Variants in TRMO observed in about 807,000 individuals in gnomAD.
The protein encoded by TRMO is tRNA methyltransferase O.
TRMO carries 30 observed loss-of-function variants against 37.2 expected under a neutral mutation model. The observed-to-expected ratio is 0.81, with a 90% CI of 0.60 to 1.09. The LOEUF (loss-of-function observed/expected upper bound fraction) is 1.09, where lower values mean the gene tolerates loss of function less well. Ranked by LOEUF, TRMO falls within the 50% of genes least tolerant of loss-of-function variation. The probability of loss-of-function intolerance (pLI) is 0.00; values close to 1 mark genes in which losing one functional copy is unlikely to be tolerated. For synonymous variants in TRMO, 239 were observed against 199.4 expected (o/e 1.20, Z -1.67); for missense variants, 552 against 549.5 (o/e 1.00, Z -0.05).
At chr9:97,913,915 T>C (rs1458555938) in intron 2 of TRMO, 1 of 165,998 alleles carries the variant, frequency 6.0e-6, no homozygotes, top group Non-Finnish European at 1.3e-5. Context: ...TTAACTGTCT[T>C]AAGTAATATA....
At chr9:97,910,717 A>G (rs1826085915) in intron 3 of TRMO, 101 bp from the exon 4 acceptor site, 1 of 1,324,800 alleles carries the variant, frequency 7.5e-7, no homozygotes, top group Non-Finnish European at 1.0e-6. Flanking sequence ...GCCTCACTGC[A>G]CTTACTCATA....
intron 1 of TRMO, among the ~76,000 whole-genome samples, chr9:97,919,847 C>G (rs1826543539): frequency 6.6e-6 from 1 of 152,196 alleles, no homozygotes; most frequent in Admixed American, 6.5e-5. Context: ...CAAGACAACA[C>G]TGGATTAGCA....
rs1587830493 is a variant in TRMO at position 97,907,587 on chromosome 9, T to C, written c.1066+2373A>G. On this transcript the variant is annotated intron_variant, in intron 4 of 4. Transcript: ENST00000375119. ...CTCAATAAGGAACTCCAGCTTGCCT[T>C]TGCATGTCACTGAGGTGTGACATCC... is the stretch of plus-strand genomic sequence containing the variant. Among the ~76,000 whole-genome samples, 5 of 152,148 alleles carry C rather than the reference T, an allele frequency of 3.3e-5. No homozygotes were observed. The South Asian group carries it at 1.0e-3, about 31-fold the overall frequency.
At chr9:97,908,036 T>C (rs1825931350) in intron 4 of TRMO, among the ~76,000 whole-genome samples, 1 of 152,090 alleles carries the variant, frequency 6.6e-6, no homozygotes, top group Non-Finnish European at 1.5e-5. Flanking sequence ...TCCCTGCACT[T>C]TGGGAGGCTG....
intron 3 of TRMO, 73 bp downstream of exon 3, chr9:97,913,328 T>C (rs1826211951): frequency 6.4e-7 from 1 of 1,568,220 alleles, no homozygotes. Context: ...AAACAGCCAG[T>C]GGTGAATGCT....
intron 1 of TRMO, among the ~76,000 whole-genome samples, chr9:97,916,860 C>T (rs1587840913): frequency 6.6e-6 from 1 of 150,718 alleles, no homozygotes; most frequent in African/African-American, 2.4e-5. Flanking sequence ...CGCCCACCAC[C>T]ACGCTCAACT....
At chr9:97,910,935 C>T (rs1826095702) in intron 3 of TRMO, 1 of 528,698 alleles carries the variant, frequency 1.9e-6, no homozygotes, top group African/African-American at 1.9e-5. Flanking sequence ...AGAGCGCTTT[C>T]CCCACGGTAG....
At chr9:97,913,937 A>G (rs778738190) in intron 2 of TRMO, 8 of 157,496 alleles carry the variant, frequency 5.1e-5, no homozygotes, top group Non-Finnish European at 1.1e-4. Flanking sequence ...TTTATCCCCC[A>G]TTTTTGGGAT....
At chr9:97,916,869 CT>C (rs572431064) in intron 1 of TRMO, among the ~76,000 whole-genome samples, 281 of 138,238 alleles carry the variant, frequency 2.0e-3, no homozygotes, top group East Asian at 5.4e-3. Flanking sequence ...CCACGCTCAA[CT>C]TTTTTTTTTT....
At chr9:97,919,254 A>G (rs978874593) in intron 1 of TRMO, among the ~76,000 whole-genome samples, 1 of 152,182 alleles carries the variant, frequency 6.6e-6, no homozygotes, top group Admixed American at 6.5e-5. Context: ...AAAGACCCCT[A>G]GCCCAGCCAC....
chr9:97,919,791 T>C (rs1826541658), intron 1 of TRMO, among the ~76,000 whole-genome samples: 1 of 152,252 alleles, frequency 6.6e-6, no homozygotes, highest in African/African-American at 2.4e-5. Flanking sequence ...TATCCTCTAA[T>C]TAGATTTACT....
chr9:97,907,710 C>A (rs1825914649), intron 4 of TRMO, among the ~76,000 whole-genome samples: 1 of 152,118 alleles, frequency 6.6e-6, no homozygotes, highest in African/African-American at 2.4e-5. Flanking sequence ...CTCCCAAGAT[C>A]AAAACTCAAG....
intron 1 of TRMO, among the ~76,000 whole-genome samples, chr9:97,916,965 A>T (rs1826399194): frequency 6.6e-6 from 1 of 150,944 alleles, no homozygotes; most frequent in Non-Finnish European, 1.5e-5. Context: ...TGACCTCCCA[A>T]AGTGCTGGGA....
chr9:97,921,445 A>C (rs182407460), intron 1 of TRMO, among the ~76,000 whole-genome samples: 13,786 of 147,520 alleles, frequency 0.093, 842 homozygotes, highest in Admixed American at 0.13. Flanking sequence ...TTTTTTTGAG[A>C]CGGAGTCTCG....
At chr9:97,920,020 T>C (rs1291169590) in intron 1 of TRMO, among the ~76,000 whole-genome samples, 1 of 152,208 alleles carries the variant, frequency 6.6e-6, no homozygotes, top group Non-Finnish European at 1.5e-5. Flanking sequence ...CTGGGGATAA[T>C]GCTATGAAAT....
intron 3 of TRMO, 145 bp downstream of exon 3, chr9:97,913,256 A>C (rs1826206455): frequency 1.1e-6 from 1 of 921,702 alleles, no homozygotes; most frequent in Admixed American, 2.1e-5. Context: ...TCTTTTAATC[A>C]TTGTATTTTC....
chr9:97,921,687 G>A (rs1166448287), intron 1 of TRMO, among the ~76,000 whole-genome samples: 2 of 152,104 alleles, frequency 1.3e-5, no homozygotes, highest in Non-Finnish European at 2.9e-5. Flanking sequence ...GCCTCCCAAA[G>A]TGCTGGGATT....
Position 97,922,447 on chromosome 9 carries a change from C to A in TRMO, c.47G>T (p.Cys16Phe). The change falls in exon 1 of 5, where the codon TGC becomes TTC. Residue 16 changes from cysteine (C) to phenylalanine (F), a missense_variant. Coordinates refer to ENST00000375119, the MANE Select transcript of TRMO (RefSeq NM_016481.5). Reference sequence around the variant, plus strand: ...CTCCAGAGCCGGCTTAACGCAGCCGCACGGGGTCGCTGTAGGCCGAGGCCC... The same window carrying A: ...CTCCAGAGCCGGCTTAACGCAGCCGAACGGGGTCGCTGTAGGCCGAGGCCC... ...ESGPRPTATP[C>F]GCVKPALETG... is the part of the protein sequence containing the mutation. The A allele has an allele frequency of 6.3e-7, 1 of 1,587,886 alleles. No individual in the cohort carries two copies. Among genetic ancestry groups the A allele is most frequent in the Non-Finnish European group, 8.6e-7 (1 of 1,167,886 alleles).
chr9:97,917,957 C>T (rs1036409276), intron 1 of TRMO, among the ~76,000 whole-genome samples: 52 of 150,880 alleles, frequency 3.4e-4, no homozygotes, highest in African/African-American at 1.2e-3. Flanking sequence ...GCTAGTATTA[C>T]AGGTGTGAGC....
Sources: gnomAD v4.1 joint callset for allele counts (sites outside exome capture counted in the v4.1 genomes callset) on GRCh38, gnomAD v4.1.1 for gene constraint, MANE v1.5 for transcripts, NCBI Gene and HGNC (gene_info 2026-07-23, HGNC 2026-07-21) for gene names.